The following SPOCK1 variants were observed in gnomAD, a reference collection of about 807,000 sequenced individuals.
SPOCK1 encodes the protein testican-1.
In SPOCK1, 23 loss-of-function variants were observed where a neutral mutation model predicts 55.3. The observed-to-expected ratio is 0.42, with a 90% confidence interval of 0.30 to 0.59. SPOCK1 has a LOEUF of 0.59. SPOCK1 is among the 20% of genes least tolerant of loss of function. SPOCK1 has a pLI of 0.22. For synonymous variants in SPOCK1, 226 were observed against 221.0 expected (o/e 1.02, Z -0.20); for missense variants, 499 against 552.5 (o/e 0.90, Z 0.97).
intron 3 of SPOCK1, among the ~76,000 whole-genome samples, chr5:137,171,479 A>G (rs1375765109): frequency 2.6e-5 from 4 of 152,146 alleles, no homozygotes; most frequent in Non-Finnish European, 4.4e-5. Flanking sequence ...CAGCCACGCT[A>G]CCAATGTGGA....
intron 2 of SPOCK1, among the ~76,000 whole-genome samples, chr5:137,401,560 A>AC (rs1476762451): frequency 1.9e-5 from 1 of 51,300 alleles, no homozygotes; most frequent in Non-Finnish European, 4.8e-5. Flanking sequence ...CATCTCTACA[A>AC]AAAAAAAAAA....
chr5:137,082,350 A>G (rs987443091), intron 5 of SPOCK1, among the ~76,000 whole-genome samples: 3 of 152,186 alleles, frequency 2.0e-5, no homozygotes, highest in African/African-American at 7.2e-5. Context: ...GGACAAAGGG[A>G]GGAGAGACAT....
intron 3 of SPOCK1, among the ~76,000 whole-genome samples, chr5:137,228,786 G>A (rs983237162): frequency 6.6e-6 from 1 of 152,072 alleles, no homozygotes; most frequent in African/African-American, 2.4e-5. Flanking sequence ...TTTTGCTGAG[G>A]GGCAGAAAGC....
chr5:137,216,770 G>A (rs1307682310), intron 3 of SPOCK1, among the ~76,000 whole-genome samples: 1 of 152,172 alleles, frequency 6.6e-6, no homozygotes, highest in Non-Finnish European at 1.5e-5. Context: ...AAGAGCAAGG[G>A]AGATTAAAAC....
chr5:137,233,315 A>T (rs1474840388), intron 3 of SPOCK1, among the ~76,000 whole-genome samples: 1 of 152,140 alleles, frequency 6.6e-6, no homozygotes, highest in African/African-American at 2.4e-5. Flanking sequence ...CCATCTGGGG[A>T]TGATGAGAGA....
chr5:136,985,516 G>A (rs937204635), intron 8 of SPOCK1, among the ~76,000 whole-genome samples: 1 of 151,748 alleles, frequency 6.6e-6, no homozygotes, highest in Non-Finnish European at 1.5e-5. Context: ...TTTCTATCAG[G>A]AAGCAAGTAA....
Position 137,479,889 on chromosome 5 carries a change from G to A in SPOCK1, c.186+18484C>T, listed in dbSNP as rs150760408. Among the ~76,000 whole-genome samples, 988 of 152,314 alleles carry A rather than the reference G, an allele frequency of 6.5e-3. 5 individuals are homozygous for A. Among genetic ancestry groups the A allele is most frequent in the Admixed American group, 0.011 (162 of 15,300 alleles). ...ACCTGGATTCAAACCACTGCATCAA[G>A]AAATTATATAGTAGGCAAGTCCCCT... On this transcript the variant is annotated intron_variant, in intron 2 of 10. Coordinates refer to ENST00000394945, the MANE Select transcript of SPOCK1 (RefSeq NM_004598.4).
At chr5:137,318,870 A>G (rs1040208014) in intron 2 of SPOCK1, among the ~76,000 whole-genome samples, 1 of 152,220 alleles carries the variant, frequency 6.6e-6, no homozygotes, top group African/African-American at 2.4e-5. Flanking sequence ...ACACTCAATA[A>G]TGTGGATTTA....
At chr5:137,024,631 G>C (rs987280033) in intron 6 of SPOCK1, among the ~76,000 whole-genome samples, 104 of 149,820 alleles carry the variant, frequency 6.9e-4, no homozygotes, top group African/African-American at 2.5e-3. Flanking sequence ...AAAAGTAGAA[G>C]AACCACAAAG....
intron 3 of SPOCK1, among the ~76,000 whole-genome samples, chr5:137,217,607 G>A (rs1257690323): frequency 1.3e-5 from 2 of 152,168 alleles, no homozygotes; most frequent in African/African-American, 4.8e-5. Context: ...ATCACACTGT[G>A]GTTTGAAATA....
Position 137,498,487 on chromosome 5 carries a change from C to A in SPOCK1, c.72G>T (p.Leu24=). 6.3e-7 allele frequency: 1 copy of A among 1,594,880 alleles called. No individual in the cohort carries two copies. The change falls in exon 2 of 11, where the codon CTG becomes CTT. Residue 24 remains leucine, a synonymous_variant. Transcript: ENST00000394945. ...GGCCCGCGCCTCCGGCGAGCGCGTCCAGGTGCCGGCTCTCGACTTGGAGGA... is the reference window on the plus strand; with the variant it reads ...GGCCCGCGCCTCCGGCGAGCGCGTCAAGGTGCCGGCTCTCGACTTGGAGGA... ...WCFLQVESRH[L]DALAGGAGPN... is the part of the protein sequence containing the mutation.
intron 5 of SPOCK1, among the ~76,000 whole-genome samples, chr5:137,076,431 T>C (rs538703263): frequency 1.3e-5 from 2 of 152,220 alleles, no homozygotes; most frequent in South Asian, 4.2e-4. Context: ...TAATCAGAGA[T>C]TGAAAGTGCA....
At chr5:137,358,886 A>G (rs1432635144) in intron 2 of SPOCK1, among the ~76,000 whole-genome samples, 1 of 145,032 alleles carries the variant, frequency 6.9e-6, no homozygotes, top group Non-Finnish European at 1.5e-5. Flanking sequence ...TCAAGACTCT[A>G]GGTACCCTGA....
At chr5:137,366,730 G>A (rs896916052) in intron 2 of SPOCK1, among the ~76,000 whole-genome samples, 7 of 152,214 alleles carry the variant, frequency 4.6e-5, no homozygotes, top group Non-Finnish European at 1.5e-5. Context: ...AAGTGATTAA[G>A]TAGGAGTTTA....
chr5:137,284,324 C>A (rs1757225080), intron 2 of SPOCK1, among the ~76,000 whole-genome samples: 1 of 152,196 alleles, frequency 6.6e-6, no homozygotes, highest in African/African-American at 2.4e-5. Context: ...ATACAACCAG[C>A]AGGGACTCAG....
At chr5:137,101,674 G>A (rs1340455635) in intron 5 of SPOCK1, among the ~76,000 whole-genome samples, 1 of 152,170 alleles carries the variant, frequency 6.6e-6, no homozygotes, top group Non-Finnish European at 1.5e-5. Flanking sequence ...TTTCACAATG[G>A]ACGATGTCTG....
chr5:137,239,708 T>C (rs137998303), intron 3 of SPOCK1, among the ~76,000 whole-genome samples: 108 of 152,302 alleles, frequency 7.1e-4, no homozygotes, highest in South Asian at 5.6e-3. Context: ...TTAAAAGTGT[T>C]ATGTCTATAG....
chr5:136,991,354 G>C (rs1026868178), intron 7 of SPOCK1, among the ~76,000 whole-genome samples: 1 of 151,392 alleles, frequency 6.6e-6, no homozygotes, highest in Non-Finnish European at 1.5e-5. Context: ...TAAGGTAAAA[G>C]ATCCCAACTA....
chr5:137,392,644 G>A (rs1292060698), intron 2 of SPOCK1, among the ~76,000 whole-genome samples: 1 of 152,106 alleles, frequency 6.6e-6, no homozygotes, highest in Non-Finnish European at 1.5e-5. Flanking sequence ...CTGTAAAAGG[G>A]GATAATACGA....
Sources: allele counts gnomAD v4.1 joint callset (sites outside exome capture counted in the v4.1 genomes callset), GRCh38; gene constraint gnomAD v4.1.1; transcripts MANE v1.5; gene names NCBI Gene and HGNC (gene_info 2026-07-23, HGNC 2026-07-21).